The following MYO5B variants were observed in gnomAD, a reference collection of about 807,000 sequenced individuals.
The protein encoded by MYO5B is myosin VB.
Under a neutral mutation model 229.3 loss-of-function variants are expected in MYO5B, and 143 were observed. The ratio of observed to expected loss-of-function variants is 0.62; its 90% CI spans 0.54 to 0.72. The LOEUF is 0.72. Among genes scored for constraint, MYO5B ranks in the 30% least tolerant of loss-of-function variants. The pLI is 0.00. For missense variants in MYO5B, 2,321 were observed against 2,331.0 expected (o/e 1.00, Z 0.09); for synonymous variants, 918 against 885.2 (o/e 1.04, Z -0.66).
rs149976178 is a variant in MYO5B at position 49,876,235 on chromosome 18, C to A, written c.3397-408G>T. 2.2e-5 allele frequency: 7 copies of A among 319,488 alleles called. No individual in the cohort carries two copies. In the East Asian group the frequency reaches 5.9e-4, roughly 27 times the overall value. The allele number at this position is 319,488 out of a possible 1,614,324, so 19.8% of individuals were successfully genotyped here. Reference sequence around the variant, plus strand: ...TCCTGATGAGGAATCAACATGGTTACCAATCACTGCAATGTGCTGTCAGCC... The same window carrying A: ...TCCTGATGAGGAATCAACATGGTTAACAATCACTGCAATGTGCTGTCAGCC... On this transcript the variant is annotated intron_variant, in intron 25 of 39. Transcript: ENST00000285039.
intron 10 of MYO5B, among the ~76,000 whole-genome samples, chr18:49,967,707 A>G (rs370243232): frequency 3.9e-5 from 6 of 152,140 alleles, no homozygotes; most frequent in South Asian, 2.1e-4. Flanking sequence ...CTTGAAGCCT[A>G]TAAAATCTCA....
intron 17 of MYO5B, among the ~76,000 whole-genome samples, chr18:49,921,256 GTTTT>G (rs11306054): frequency 3.3e-5 from 4 of 121,830 alleles, no homozygotes; most frequent in African/African-American, 8.9e-5. Flanking sequence ...TTCAAGCAGA[GTTTT>G]TTTTTTTTTT....
At chr18:50,096,850 A>G (rs1434524739) in intron 1 of MYO5B, among the ~76,000 whole-genome samples, 1 of 152,062 alleles carries the variant, frequency 6.6e-6, no homozygotes, top group East Asian at 1.9e-4. Context: ...ACTGGCTTCT[A>G]TGCTGGCTCC....
At position 50,012,613 on chromosome 18, in the gene MYO5B, C is replaced by T. The variant is rs1386374021; in HGVS notation, c.456-11202G>A. Among the ~76,000 whole-genome samples, 7 of 152,298 alleles carry T rather than the reference C, an allele frequency of 4.6e-5. No homozygotes were observed. In the East Asian group the frequency reaches 5.8e-4, roughly 13 times the overall value. ...AGATTCAGGTGCAAATCCTGTTTAT[C>T]GCCCAGGCCCAATGCAAAGGCCATC... On this transcript the variant is annotated intron_variant, in intron 4 of 39. Transcript: ENST00000285039.
At position 49,898,523 on chromosome 18, in the gene MYO5B, TACC is replaced by T. The variant is rs376604587; in HGVS notation, c.2812-3352_2812-3350del. 4.0e-3 allele frequency among the ~76,000 whole-genome samples: 611 copies of T among 152,296 alleles called. 5 individuals carry two copies. Among genetic ancestry groups the T allele is most frequent in the African/African-American group, 0.014 (592 of 41,562 alleles). ...TACATCGTTTTACTGAATGACGTCATACCACAGCCTATCCCAGGGACACTGCAA... is the reference window on the plus strand; with the variant it reads ...TACATCGTTTTACTGAATGACGTCATACAGCCTATCCCAGGGACACTGCAA... On this transcript the variant is annotated intron_variant, in intron 21 of 39. Coordinates refer to ENST00000285039, the MANE Select transcript of MYO5B (RefSeq NM_001080467.3).
chr18:50,016,135 C>A (rs1439109076), intron 4 of MYO5B, among the ~76,000 whole-genome samples: 8 of 152,222 alleles, frequency 5.3e-5, no homozygotes, highest in Admixed American at 4.6e-4. Context: ...AAAGCATGAT[C>A]AGAGTGCCAT....
intron 1 of MYO5B, among the ~76,000 whole-genome samples, chr18:50,058,680 G>A (rs186866522): frequency 0.011 from 1,655 of 151,886 alleles, 12 homozygotes; most frequent in South Asian, 0.037. Context: ...GCGTGGTGGC[G>A]GGTGCCTGTA....
chr18:49,994,869 G>A (rs2025970482), intron 5 of MYO5B, among the ~76,000 whole-genome samples: 1 of 152,180 alleles, frequency 6.6e-6, no homozygotes, highest in Non-Finnish European at 1.5e-5. Context: ...TAAAATGTTG[G>A]TAGAAAGCAT....
At chr18:50,042,905 C>A (rs1055370875) in intron 2 of MYO5B, among the ~76,000 whole-genome samples, 3 of 152,146 alleles carry the variant, frequency 2.0e-5, no homozygotes, top group Non-Finnish European at 4.4e-5. Flanking sequence ...AGGACCTGAG[C>A]CCAACGGCTT....
chr18:50,143,991 G>A (rs2032460309), intron 1 of MYO5B, among the ~76,000 whole-genome samples: 1 of 152,144 alleles, frequency 6.6e-6, no homozygotes, highest in Non-Finnish European at 1.5e-5. Flanking sequence ...TTATCCAAAG[G>A]CTTTGTCTTA....
intron 39 of MYO5B, among the ~76,000 whole-genome samples, chr18:49,833,036 C>G (rs1303341548): frequency 6.6e-6 from 1 of 152,096 alleles, no homozygotes; most frequent in African/African-American, 2.4e-5. Flanking sequence ...CACTTAAGGG[C>G]CCTTGTATTT....
intron 8 of MYO5B, among the ~76,000 whole-genome samples, 151 bp downstream of exon 8, chr18:49,984,565 AAG>A (rs766259994): frequency 6.6e-6 from 1 of 152,178 alleles, no homozygotes; most frequent in African/African-American, 2.4e-5. Context: ...TGGGATGGGT[AAG>A]AGAGTAAGAG....
chr18:50,117,663 T>C (rs528479771), intron 1 of MYO5B, among the ~76,000 whole-genome samples: 1 of 152,092 alleles, frequency 6.6e-6, no homozygotes, highest in Admixed American at 6.5e-5. Flanking sequence ...TTATTCTCTA[T>C]CCATAGGTAC....
At chr18:49,953,184 A>T in intron 14 of MYO5B, 76 bp downstream of exon 14, 1 of 1,332,958 alleles carries the variant, frequency 7.5e-7, no homozygotes, top group Admixed American at 1.7e-5. Flanking sequence ...CACCCCAAGG[A>T]GGTTGCATCA....
At chr18:49,847,741 C>G (rs1031705659) in intron 32 of MYO5B, among the ~76,000 whole-genome samples, 1 of 152,254 alleles carries the variant, frequency 6.6e-6, no homozygotes, top group Admixed American at 6.5e-5. Context: ...ACTCAGTTCC[C>G]TGTGTGTGGC....
chr18:49,977,885 G>T (rs1388748727), intron 9 of MYO5B, among the ~76,000 whole-genome samples: 1 of 152,192 alleles, frequency 6.6e-6, no homozygotes, highest in Admixed American at 6.5e-5. Flanking sequence ...CCTGAGGCAG[G>T]TGGTTATCCA....
intron 31 of MYO5B, chr18:49,851,061 T>C (rs1020148711): frequency 1.3e-5 from 2 of 152,218 alleles, no homozygotes; most frequent in Non-Finnish European, 1.5e-5. Flanking sequence ...TTTTCCACCA[T>C]TACTTTGAAA....
chr18:49,869,733 G>A (rs1173127976), intron 27 of MYO5B, among the ~76,000 whole-genome samples: 2 of 152,124 alleles, frequency 1.3e-5, no homozygotes, highest in Admixed American at 6.5e-5. Context: ...TCTCAGACTT[G>A]AGTGGGCAAC....
intron 1 of MYO5B, among the ~76,000 whole-genome samples, chr18:50,071,677 T>C (rs2030961533): frequency 6.6e-6 from 1 of 152,250 alleles, no homozygotes; most frequent in African/African-American, 2.4e-5. Flanking sequence ...AGCACAGCCA[T>C]AGCTCCTGTA....
Sources: allele counts gnomAD v4.1 joint callset (sites outside exome capture counted in the v4.1 genomes callset), GRCh38; gene constraint gnomAD v4.1.1; transcripts MANE v1.5; gene names NCBI Gene and HGNC (gene_info 2026-07-23, HGNC 2026-07-21).